SCHIP1: variants seen among roughly 807,000 people sequenced by gnomAD.
The protein encoded by SCHIP1 is schwannomin-interacting protein 1.
Under a neutral mutation model 29.7 loss-of-function variants are expected in SCHIP1, and 8 were observed. The ratio of observed to expected loss-of-function variants is 0.27; its 90% CI spans 0.16 to 0.49. The LOEUF is 0.49. SCHIP1 is among the 20% of genes least tolerant of loss of function. The pLI is 0.99. For missense variants in SCHIP1, 193 were observed against 294.6 expected (o/e 0.66, Z 2.52); for synonymous variants, 76 against 94.9 (o/e 0.80, Z 1.16).
chr3:159,859,082 T>C (rs1440561154), intron 1 of SCHIP1, among the ~76,000 whole-genome samples: 2 of 152,226 alleles, frequency 1.3e-5, no homozygotes, highest in African/African-American at 2.4e-5. Context: ...TTAACTTATA[T>C]TTACTTCCAC....
chr3:159,432,278 A>G, the SCHIP1 span, among the ~76,000 whole-genome samples: 2 of 141,910 alleles, frequency 1.4e-5, no homozygotes, highest in Non-Finnish European at 3.0e-5. Flanking sequence ...CTTCCTCCAG[A>G]GTAGGTGATG....
the SCHIP1 span, among the ~76,000 whole-genome samples, chr3:159,601,274 C>T: frequency 6.6e-6 from 1 of 152,110 alleles, no homozygotes; most frequent in African/African-American, 2.4e-5. Flanking sequence ...GTGGTATGGG[C>T]TGGTATTGAC....
the SCHIP1 span, among the ~76,000 whole-genome samples, chr3:159,804,009 C>T: frequency 6.6e-6 from 1 of 152,164 alleles, no homozygotes; most frequent in Non-Finnish European, 1.5e-5. Context: ...CCCTGCATCA[C>T]GATGGCCTCA....
At chr3:159,564,953 A>G in the SCHIP1 span, among the ~76,000 whole-genome samples, 2 of 152,256 alleles carry the variant, frequency 1.3e-5, no homozygotes, top group African/African-American at 2.4e-5. Flanking sequence ...ACAGAAGAAC[A>G]TTTTCCTCTT....
At chr3:159,508,690 A>G in the SCHIP1 span, among the ~76,000 whole-genome samples, 2 of 152,350 alleles carry the variant, frequency 1.3e-5, no homozygotes, top group East Asian at 1.9e-4. Flanking sequence ...TTGGTTTCAA[A>G]GAACATCTTT....
the SCHIP1 span, chr3:159,765,398 G>T: frequency 2.3e-6 from 1 of 442,218 alleles, no homozygotes; most frequent in Non-Finnish European, 3.9e-6. Flanking sequence ...TAGTGGAACC[G>T]GCGACTCATT....
intron 6 of SCHIP1, chr3:159,892,567 A>C (rs1717651193): frequency 2.5e-6 from 1 of 405,146 alleles, no homozygotes; most frequent in Non-Finnish European, 4.4e-6. Flanking sequence ...TCTCCAAAGC[A>C]CAAGCTCTTG....
chr3:159,511,188 T>C, the SCHIP1 span, among the ~76,000 whole-genome samples: 2 of 152,346 alleles, frequency 1.3e-5, no homozygotes, highest in South Asian at 2.1e-4. Context: ...TCGCCCAGCC[T>C]CGCTGCCGCC....
chr3:159,697,972 A>G, the SCHIP1 span, among the ~76,000 whole-genome samples: 9 of 151,382 alleles, frequency 5.9e-5, no homozygotes, highest in African/African-American at 2.2e-4. Flanking sequence ...TTAAAAGGAT[A>G]GTTAAAGAAA....
At chr3:159,427,137 G>C in the SCHIP1 span, among the ~76,000 whole-genome samples, 1 of 152,078 alleles carries the variant, frequency 6.6e-6, no homozygotes, top group African/African-American at 2.4e-5. Flanking sequence ...TTGAAAACTG[G>C]CACAAGACAG....
At chr3:159,418,221 G>T in the SCHIP1 span, among the ~76,000 whole-genome samples, 2,527 of 152,234 alleles carry the variant, frequency 0.017, 57 homozygotes, top group African/African-American at 0.058. Flanking sequence ...TAAGTGCTCT[G>T]ATTTAGTTAA....
chr3:159,397,531 C>T, the SCHIP1 span, among the ~76,000 whole-genome samples: 1 of 152,098 alleles, frequency 6.6e-6, no homozygotes, highest in Non-Finnish European at 1.5e-5. Flanking sequence ...GTTAGTTTTC[C>T]TTCTAAAAGA....
chr3:159,391,014 A>AT, the SCHIP1 span, among the ~76,000 whole-genome samples: 1 of 152,110 alleles, frequency 6.6e-6, no homozygotes, highest in South Asian at 2.1e-4. Context: ...AGTGAGTTCA[A>AT]TTTTTTTCTC....
the SCHIP1 span, among the ~76,000 whole-genome samples, chr3:159,474,100 T>G: frequency 0.66 from 100,683 of 151,936 alleles, 34,599 homozygotes; most frequent in African/African-American, 0.85. Flanking sequence ...GATCTCCTTT[T>G]AAGCATTTTT....
At chr3:159,684,464 C>T in the SCHIP1 span, among the ~76,000 whole-genome samples, 1 of 152,058 alleles carries the variant, frequency 6.6e-6, no homozygotes, top group African/African-American at 2.4e-5. Flanking sequence ...TTAACCCTTC[C>T]ATGTTACAGT....
chr3:159,377,597 T>G, the SCHIP1 span, among the ~76,000 whole-genome samples: 5 of 152,194 alleles, frequency 3.3e-5, no homozygotes, highest in Non-Finnish European at 7.3e-5. Context: ...CAGGAAGTGA[T>G]GGTTTATGGG....
At chr3:159,316,653 A>G in the SCHIP1 span, among the ~76,000 whole-genome samples, 1 of 152,240 alleles carries the variant, frequency 6.6e-6, no homozygotes, top group Non-Finnish European at 1.5e-5. Context: ...AAATAAAGAT[A>G]ATAATGAGGT....
chr3:159,893,633 TTC>T (rs1045077949), intron 6 of SCHIP1: 1 of 152,204 alleles, frequency 6.6e-6, no homozygotes, highest in South Asian at 2.1e-4. Context: ...GCCCCTCCTC[TTC>T]TCTCTAAGTG....
the SCHIP1 span, among the ~76,000 whole-genome samples, chr3:159,469,849 A>C: frequency 6.6e-6 from 1 of 152,204 alleles, no homozygotes; most frequent in Non-Finnish European, 1.5e-5. Flanking sequence ...AGATAACCCA[A>C]AGATGTATCA....
Sources: allele counts gnomAD v4.1 joint callset (sites outside exome capture counted in the v4.1 genomes callset), GRCh38; gene constraint gnomAD v4.1.1; transcripts MANE v1.5; gene names NCBI Gene and HGNC (gene_info 2026-07-23, HGNC 2026-07-21).